ZNF658: variants seen among roughly 807,000 people sequenced by gnomAD.
ZNF658 encodes the protein zinc finger protein 658.
In ZNF658, 46 loss-of-function variants were observed where a neutral mutation model predicts 78.0. The ratio of observed to expected loss-of-function variants is 0.59; its 90% CI spans 0.47 to 0.75. ZNF658 has a LOEUF of 0.75. Ranked by LOEUF, ZNF658 falls within the 30% of genes least tolerant of loss-of-function variation. ZNF658 has a pLI of 0.00. For synonymous variants in ZNF658, 279 were observed against 408.4 expected (o/e 0.68, Z 3.82); for missense variants, 785 against 1,189.3 (o/e 0.66, Z 5.00).
At position 66,900,825 on chromosome 9, in the gene ZNF658, T is replaced by C. The variant is rs1334034567; in HGVS notation, c.-56T>C. 1 of 152,310 alleles carries C rather than the reference T, an allele frequency of 6.6e-6. No homozygotes were observed. The highest frequency in any genetic ancestry group is 1.5e-5 in the Non-Finnish European group (1 of 68,112). The allele number at this position is 152,310 out of a possible 1,614,324, so 9.4% of individuals were successfully genotyped here. On this transcript the variant is annotated 5_prime_UTR_variant, in exon 1 of 5. Coordinates refer to ENST00000621410, the MANE Select transcript of ZNF658 (RefSeq NM_033160.7). ...TTTAGGTCTGCGCGGGAGCCGAGGC[T>C]GCGCACCTGGGGTGAGAGCGTCGGT...
rs1822399209 is a variant in ZNF658 at position 66,918,445 on chromosome 9, T to C, written c.879T>C (p.Ala293=). The C allele has an allele frequency of 1.2e-6, 2 of 1,610,916 alleles. No individual in the cohort carries two copies. The highest frequency in any genetic ancestry group is 1.7e-6 in the Non-Finnish European group (2 of 1,177,444). Residue 293 remains alanine, a synonymous_variant, in exon 5 of 5, where the codon GCT becomes GCC. Transcript: ENST00000621410. ...TTGAATACAATAAAGTTCACATGGCTATGACACACTATGAGTGTAATGAAA... is the reference window on the plus strand; with the variant it reads ...TTGAATACAATAAAGTTCACATGGCCATGACACACTATGAGTGTAATGAAA... ...TAVEYNKVHM[A]MTHYECNERG...
At chr9:66,922,834 A>G (rs62561226), downstream of ZNF658, among the ~76,000 whole-genome samples, 29,347 of 135,672 alleles carry the variant, frequency 0.22, 3,444 homozygotes, top group Middle Eastern at 0.37. Flanking sequence ...TAGCCTTAGG[A>G]GGTCCTGAGA....
chr9:66,908,895 A>T (rs1219324758), intron 4 of ZNF658, among the ~76,000 whole-genome samples, 161 bp downstream of exon 4: 1 of 152,166 alleles, frequency 6.6e-6, no homozygotes, highest in African/African-American at 2.4e-5. Flanking sequence ...GCAACCACAG[A>T]TCAAAACTAT....
At chr9:66,909,960 T>C (rs995354369) in intron 4 of ZNF658, among the ~76,000 whole-genome samples, 4 of 152,166 alleles carry the variant, frequency 2.6e-5, no homozygotes, top group Non-Finnish European at 5.9e-5. Context: ...AGACAGCCAC[T>C]TTCTTGCTGT....
intron 4 of ZNF658, among the ~76,000 whole-genome samples, chr9:66,914,862 G>C (rs893627947): frequency 7.2e-5 from 11 of 152,088 alleles, no homozygotes; most frequent in African/African-American, 2.4e-4. Context: ...TGGTCTGAAA[G>C]CTTCTTTTCT....
chr9:66,915,053 GCACACACACACA>G (rs10608839), intron 4 of ZNF658, among the ~76,000 whole-genome samples: 83 of 144,054 alleles, frequency 5.8e-4, no homozygotes, highest in East Asian at 3.7e-3. Context: ...CTTTGGAATT[GCACACACACACA>G]CACACACACA....
At chr9:66,926,807 A>AT (rs779260394) in intron 6 of ZNF658, among the ~76,000 whole-genome samples, 7 of 135,976 alleles carry the variant, frequency 5.1e-5, no homozygotes, top group Non-Finnish European at 1.1e-4. Context: ...TTCAAAATAT[A>AT]TTGCAAAGCT....
downstream of ZNF658, among the ~76,000 whole-genome samples, chr9:66,923,043 G>A (rs1389119745): frequency 1.3e-5 from 2 of 151,334 alleles, no homozygotes; most frequent in Non-Finnish European, 1.5e-5. Flanking sequence ...CTGTCACAAG[G>A]TGAAGTCCCA....
chr9:66,914,444 T>A, intron 4 of ZNF658, among the ~76,000 whole-genome samples: 1 of 152,172 alleles, frequency 6.6e-6, no homozygotes, highest in South Asian at 2.1e-4. Context: ...CTTTGTGTTT[T>A]TATTCTTACC....
chr9:66,931,106 A>T (rs2261958), intron 6 of ZNF658, among the ~76,000 whole-genome samples: 45 of 149,762 alleles, frequency 3.0e-4, no homozygotes, highest in Non-Finnish European at 6.3e-4. Flanking sequence ...CGAGATCTAC[A>T]AACTAATGTA....
At position 66,917,837 on chromosome 9, in the gene ZNF658, C is replaced by A; in HGVS notation, c.271C>A (p.Arg91=). The change falls in exon 5 of 5, where the codon CGG becomes AGG. Residue 91 remains arginine (R), a synonymous_variant. Coordinates refer to ENST00000621410, the MANE Select transcript of ZNF658 (RefSeq NM_033160.7). ...TAAAGTTGATCACATCAAAGGGATC[C>A]GGGAAAAACAAGAAAAACCTCTGTG... ...YFKVDHIKGI[R]EKQEKPLWQE... is the part of the protein sequence containing the mutation. 6.8e-7 allele frequency: 1 copy of A among 1,465,158 alleles called. No individual in the cohort carries two copies. Among genetic ancestry groups the A allele is most frequent in the Non-Finnish European group, 9.3e-7 (1 of 1,075,248 alleles). 90.8% of individuals were successfully genotyped at this position (1,465,158 alleles called of 1,614,324 possible). A position where few individuals can be genotyped will look rare whatever the true frequency, so the allele number is the denominator to read the frequency against.
chr9:66,927,385 C>CT (rs954351084), intron 6 of ZNF658, among the ~76,000 whole-genome samples: 54 of 151,870 alleles, frequency 3.6e-4, no homozygotes, highest in Admixed American at 2.6e-4. Context: ...AAAGGGAACC[C>CT]TTGTACATTG....
chr9:66,928,589 A>T (rs1822608351), intron 6 of ZNF658, among the ~76,000 whole-genome samples: 1 of 151,704 alleles, frequency 6.6e-6, no homozygotes, highest in African/African-American at 2.4e-5. Context: ...ACGGTGGCTC[A>T]TACCTGTAAT....
At chr9:66,926,292 A>G (rs1356238887), downstream of ZNF658, among the ~76,000 whole-genome samples, 1 of 139,810 alleles carries the variant, frequency 7.2e-6, no homozygotes, top group Non-Finnish European at 1.6e-5. Context: ...AAGAAGTGAA[A>G]TTGTACCTGT....
At position 66,919,534 on chromosome 9, in the gene ZNF658, A is replaced by T. The variant is rs776425296; in HGVS notation, c.1968A>T (p.Lys656Asn). ...ATCAAAGAATTCACACAGGGGAGAA[A>T]CCCTATGAATGTAATGAATGTGGGA... ...KAHQRIHTGE[K>N]PYECNECGRS... Residue 656 changes from lysine to asparagine, a missense_variant, in exon 5 of 5, where the codon AAA becomes AAT. Coordinates refer to ENST00000621410, the MANE Select transcript of ZNF658 (RefSeq NM_033160.7). 2 of 1,612,772 alleles carry T rather than the reference A, an allele frequency of 1.2e-6. No homozygotes were observed. The highest frequency in any genetic ancestry group is 2.2e-5 in the South Asian group (2 of 91,022).
chr9:66,901,491 C>A (rs1348215650), intron 1 of ZNF658, among the ~76,000 whole-genome samples: 1 of 151,138 alleles, frequency 6.6e-6, no homozygotes, highest in African/African-American at 2.4e-5. Flanking sequence ...TGGACAGAAT[C>A]TCACCAAGTG....
chr9:66,927,309 A>G (rs1822595120), intron 6 of ZNF658, among the ~76,000 whole-genome samples: 2 of 150,742 alleles, frequency 1.3e-5, no homozygotes, highest in African/African-American at 2.4e-5. Context: ...ACAATGAAAT[A>G]TTTCCTCACA....
chr9:66,919,594 T>C lies in ZNF658; in HGVS notation c.2028T>C (p.His676=). The C allele has an allele frequency of 6.2e-7, 1 of 1,609,446 alleles. No homozygotes were observed. Among genetic ancestry groups the C allele is most frequent in the South Asian group, 1.1e-5 (1 of 90,878 alleles). Residue 676 remains histidine, a synonymous_variant, in exon 5 of 5, where the codon CAT becomes CAC. Transcript: ENST00000621410. ...SFTYNSALRA[H]QRIHTGRKPY... is the part of the protein sequence containing the mutation. The stretch of plus-strand genomic sequence containing the variant: ...CCTACAATTCAGCCCTGAGAGCACA[T>C]CAGAGAATTCACACAGGTAGAAAAC...
chr9:66,920,532 CA>C lies in ZNF658; in HGVS notation c.2967del (p.Glu991ArgfsTer61). Reference sequence around the variant, plus strand: ...CTTAGTGCACACCAGAGAATTCACACAGGGGAGAAACCCTATGAGTGTAATG... The same window carrying C: ...CTTAGTGCACACCAGAGAATTCACACGGGGAGAAACCCTATGAGTGTAATG... ...SHLSAHQRIH[T>X]GEKPYECNEC... On this transcript the variant is annotated frameshift_variant, in exon 5 of 5. Transcript: ENST00000621410. LOFTEE classifies it high-confidence loss of function. The C allele has an allele frequency of 1.4e-6, 2 of 1,452,444 alleles. No individual in the cohort carries two copies. The highest frequency in any genetic ancestry group is 1.9e-6 in the Non-Finnish European group (2 of 1,057,884). The allele number at this position is 1,452,444 out of a possible 1,614,324, so 90.0% of individuals were successfully genotyped here.
Sources: gnomAD v4.1 joint callset for allele counts (sites outside exome capture counted in the v4.1 genomes callset) on GRCh38, gnomAD v4.1.1 for gene constraint, MANE v1.5 for transcripts, NCBI Gene and HGNC (gene_info 2026-07-23, HGNC 2026-07-21) for gene names.